Variants in PPP1R1C observed in about 807,000 individuals in gnomAD.
The protein encoded by PPP1R1C is protein phosphatase 1 regulatory subunit 1C.
PPP1R1C carries 15 observed loss-of-function variants against 17.4 expected under a neutral mutation model. The ratio of observed to expected loss-of-function variants is 0.86; its 90% confidence interval spans 0.58 to 1.33. The LOEUF (loss-of-function observed/expected upper bound fraction) is 1.33, where lower values mean the gene tolerates loss of function less well. PPP1R1C is among the 40% of genes most tolerant of loss of function. PPP1R1C has a pLI of 0.00. For synonymous variants in PPP1R1C, 35 were observed against 43.1 expected (o/e 0.81, Z 0.73); for missense variants, 143 against 130.0 (o/e 1.10, Z -0.48).
Position 182,117,397 on chromosome 2 carries a change from A to G in PPP1R1C, c.*102A>G. On this transcript the variant is annotated 3_prime_UTR_variant, in exon 5 of 5. Coordinates refer to ENST00000682840, the MANE Select transcript of PPP1R1C (RefSeq NM_001080545.3). ...TGCTTGACTTCCAGAAGCATCCTCCATCTCTGCACCCCACACTCATACAGT... is the reference window on the plus strand; with the variant it reads ...TGCTTGACTTCCAGAAGCATCCTCCGTCTCTGCACCCCACACTCATACAGT... The G allele has an allele frequency of 2.5e-6, 2 of 794,590 alleles. No individual in the cohort carries two copies. Among genetic ancestry groups the G allele is most frequent in the South Asian group, 1.7e-5 (1 of 58,432 alleles). 49.2% of individuals were successfully genotyped at this position (794,590 alleles called of 1,614,324 possible).
intron 3 of PPP1R1C, 140 bp downstream of exon 3, chr2:182,061,619 T>G: frequency 2.1e-6 from 1 of 476,312 alleles, no homozygotes. Flanking sequence ...TAAACAGTAA[T>G]ATAGTGTCAT....
chr2:182,021,321 C>CTT (rs71008205), intron 2 of PPP1R1C, among the ~76,000 whole-genome samples: 17 of 89,642 alleles, frequency 1.9e-4, no homozygotes, highest in South Asian at 4.1e-4. Context: ...CTCTCTCTCT[C>CTT]TTTTTTTTTT....
downstream of PPP1R1C, among the ~76,000 whole-genome samples, chr2:182,120,334 C>CA (rs1417455769): frequency 6.6e-6 from 1 of 151,702 alleles, no homozygotes; most frequent in Non-Finnish European, 1.5e-5. Flanking sequence ...AGTAGAGACA[C>CA]AAAAAACCCT....
intron 2 of PPP1R1C, among the ~76,000 whole-genome samples, chr2:182,054,130 A>G (rs1687612683): frequency 6.6e-6 from 1 of 152,180 alleles, no homozygotes; most frequent in Non-Finnish European, 1.5e-5. Flanking sequence ...ATTTTCTCTT[A>G]AATTATTTCC....
At position 182,093,805 on chromosome 2, in the gene PPP1R1C, A is replaced by C. The variant is rs183343101; in HGVS notation, c.242-23402A>C. Among the ~76,000 whole-genome samples, 217 of 152,296 alleles carry C rather than the reference A, an allele frequency of 1.4e-3. 2 individuals are homozygous for C. The highest frequency in any genetic ancestry group is 5.0e-3 in the African/African-American group (208 of 41,564). On this transcript the variant is annotated intron_variant, in intron 4 of 4. Coordinates refer to ENST00000682840, the MANE Select transcript of PPP1R1C (RefSeq NM_001080545.3). ...TCCATCTGAGACCACTTCAGCCTGGACATTATTGTCCATGTGACTTTCAGC... is the reference window on the plus strand; with the variant it reads ...TCCATCTGAGACCACTTCAGCCTGGCCATTATTGTCCATGTGACTTTCAGC...
chr2:181,986,238 G>C, intron 1 of PPP1R1C, 47 bp downstream of exon 1: 3 of 1,360,968 alleles, frequency 2.2e-6, no homozygotes, highest in Non-Finnish European at 3.2e-6. Flanking sequence ...AAGGTAATAT[G>C]AACATGCATT....
chr2:182,014,574 G>C (rs1007200051), intron 2 of PPP1R1C, among the ~76,000 whole-genome samples: 6 of 151,970 alleles, frequency 3.9e-5, no homozygotes, highest in African/African-American at 1.2e-4. Flanking sequence ...AAGGCCCAAG[G>C]GCTCTTCAGT....
chr2:181,959,024 T>A lies in PPP1R1C; in HGVS notation n.111+4390T>A, dbSNP rs1401172567. Among the ~76,000 whole-genome samples, 3 of 152,356 alleles carry A rather than the reference T, an allele frequency of 2.0e-5. No homozygotes were observed. The East Asian group carries it at 5.8e-4, about 29-fold the overall frequency. On this transcript the variant is annotated intron_variant and non_coding_transcript_variant, in intron 1 of 5. Coordinates refer to the PPP1R1C transcript ENST00000464264. The stretch of plus-strand genomic sequence containing the variant: ...GAGTTGACTGCATAGACTACACATA[T>A]GTTAAGCGTTAGTATAATAGATATT...
At chr2:182,125,682 G>T (rs1689856689) in intron 5 of PPP1R1C, among the ~76,000 whole-genome samples, 1 of 152,070 alleles carries the variant, frequency 6.6e-6, no homozygotes, top group African/African-American at 2.4e-5. Context: ...GTTTATTTGT[G>T]TAGAGATGTT....
chr2:182,102,719 GA>G (rs1338126557), intron 4 of PPP1R1C, among the ~76,000 whole-genome samples: 1 of 152,112 alleles, frequency 6.6e-6, no homozygotes, highest in Non-Finnish European at 1.5e-5. Context: ...ACACAAAGAT[GA>G]TTTTTTTTGT....
chr2:182,127,334 AT>A (rs897671864), intron 5 of PPP1R1C, among the ~76,000 whole-genome samples: 2 of 152,056 alleles, frequency 1.3e-5, no homozygotes, highest in African/African-American at 2.4e-5. Context: ...GGCCTAGAGA[AT>A]TTTTCTTCAA....
intron 2 of PPP1R1C, among the ~76,000 whole-genome samples, chr2:182,033,379 C>T (rs1053102567): frequency 3.9e-5 from 6 of 152,162 alleles, no homozygotes; most frequent in African/African-American, 1.4e-4. Flanking sequence ...ATTGCCTGAT[C>T]TTTAGACGTC....
chr2:182,089,777 A>G (rs1459697145), intron 4 of PPP1R1C, among the ~76,000 whole-genome samples: 3 of 152,120 alleles, frequency 2.0e-5, no homozygotes, highest in Admixed American at 2.0e-4. Context: ...TGTCTCAGTC[A>G]TATGCTTTGT....
intron 1 of PPP1R1C, among the ~76,000 whole-genome samples, chr2:181,973,347 A>C (rs1326875079): frequency 6.6e-6 from 1 of 152,238 alleles, no homozygotes; most frequent in Non-Finnish European, 1.5e-5. Context: ...AACATAGGCA[A>C]GCACTCAAGA....
intron 4 of PPP1R1C, among the ~76,000 whole-genome samples, chr2:182,093,781 C>T (rs574465680): frequency 6.6e-6 from 1 of 152,332 alleles, no homozygotes; most frequent in East Asian, 1.9e-4. Context: ...TTCCTCATTT[C>T]CATCTGAGAC....
At chr2:182,128,319 G>T (rs1474235124) in intron 5 of PPP1R1C, among the ~76,000 whole-genome samples, 1 of 152,044 alleles carries the variant, frequency 6.6e-6, no homozygotes, top group African/African-American at 2.4e-5. Context: ...TTTTATCAAA[G>T]CTGTGTGACA....
At chr2:182,073,562 A>T (rs1166803627) in intron 4 of PPP1R1C, among the ~76,000 whole-genome samples, 1 of 152,226 alleles carries the variant, frequency 6.6e-6, no homozygotes, top group Non-Finnish European at 1.5e-5. Context: ...GTCAAATGAA[A>T]AAGAAAGTTA....
intron 4 of PPP1R1C, among the ~76,000 whole-genome samples, chr2:182,104,412 T>A (rs75002237): frequency 6.6e-6 from 1 of 152,350 alleles, no homozygotes; most frequent in Non-Finnish European, 1.5e-5. Context: ...GAAATGATGT[T>A]GAATTTTGTC....
In PPP1R1C at chr2:182,012,751, T is replaced by A. The variant is rs572883078; in HGVS notation, c.142+24852T>A. On this transcript the variant is annotated intron_variant, in intron 2 of 4. Coordinates refer to ENST00000682840, the MANE Select transcript of PPP1R1C (RefSeq NM_001080545.3). ...GTATGCATTAATTCTTGCTTTTTAT[T>A]TTTTGCGTGTCTTCTGTATGTTTTG... Among the ~76,000 whole-genome samples, 5 of 152,204 alleles carry A rather than the reference T, an allele frequency of 3.3e-5. No homozygotes were observed. In the South Asian group the frequency reaches 8.3e-4, roughly 25 times the overall value.
Sources: allele counts gnomAD v4.1 joint callset (sites outside exome capture counted in the v4.1 genomes callset), GRCh38; gene constraint gnomAD v4.1.1; transcripts MANE v1.5; gene names NCBI Gene and HGNC (gene_info 2026-07-23, HGNC 2026-07-21).